The following GPD1L variants were observed in gnomAD, a reference collection of about 807,000 sequenced individuals.
GPD1L encodes glycerol-3-phosphate dehydrogenase 1-like protein.
A neutral mutation model predicts 32.9 loss-of-function variants in GPD1L; 17 were observed. The observed-to-expected ratio is 0.52, with a 90% CI of 0.35 to 0.78. GPD1L has a LOEUF of 0.78. Ranked by LOEUF, GPD1L falls within the 30% of genes least tolerant of loss-of-function variation. The pLI, the probability that GPD1L is intolerant of heterozygous loss-of-function variation, is 0.01. For missense variants in GPD1L, 361 were observed against 447.8 expected, an observed-to-expected ratio of 0.81 and a Z score of 1.75; for synonymous variants, 187 against 165.9, an observed-to-expected ratio of 1.13 and a Z score of -0.98.
At chr3:32,120,278 A>G (rs1278525981) in intron 1 of GPD1L, among the ~76,000 whole-genome samples, 7 of 152,076 alleles carry the variant, frequency 4.6e-5, no homozygotes, top group Admixed American at 4.6e-4. Flanking sequence ...AGATCGCACC[A>G]CTGTACTCCA....
Position 32,158,885 on chromosome 3 carries a change from G to C in GPD1L, c.628G>C (p.Ala210Pro). The C allele has an allele frequency of 1.2e-6, 2 of 1,614,030 alleles. No homozygotes were observed. Among genetic ancestry groups the C allele is most frequent in the South Asian group, 2.2e-5 (2 of 91,084 alleles). Residue 210 changes from alanine to proline, a missense_variant, in exon 6 of 8, where the codon GCT becomes CCT. By Grantham distance (27) the Ala-to-Pro change is conservative. Coordinates refer to ENST00000282541, the MANE Select transcript of GPD1L (RefSeq NM_015141.4). ...ELCGALKNIVAVGAGFCDGLR... is the reference protein window; with the variant it reads ...ELCGALKNIVPVGAGFCDGLR... Reference sequence around the variant, plus strand: ...GTCATCTCCTTTGCAGAACATCGTAGCTGTGGGAGCTGGGTTCTGCGACGG... The same window carrying C: ...GTCATCTCCTTTGCAGAACATCGTACCTGTGGGAGCTGGGTTCTGCGACGG...
chr3:32,132,561 T>C (rs1700600968), intron 2 of GPD1L, among the ~76,000 whole-genome samples: 1 of 152,240 alleles, frequency 6.6e-6, no homozygotes, highest in Non-Finnish European at 1.5e-5. Context: ...CTTTCCTCCC[T>C]GGGTTTAACT....
intron 1 of GPD1L, among the ~76,000 whole-genome samples, chr3:32,108,141 G>A (rs1324752159): frequency 6.6e-6 from 1 of 152,206 alleles, no homozygotes; most frequent in Non-Finnish European, 1.5e-5. Flanking sequence ...GCTTATGCCT[G>A]TAATCCCAGC....
In GPD1L at chr3:32,165,966, T is replaced by A. The variant is rs2125501600; in HGVS notation, c.*56T>A. The A allele has an allele frequency of 6.1e-6, 6 of 977,342 alleles. No individual in the cohort carries two copies. The South Asian group carries it at 7.7e-5, about 13-fold the overall frequency. The allele number at this position is 977,342 out of a possible 1,614,324, so 60.5% of individuals were successfully genotyped here. ...CTGCCTTTCTGATCAATCTTTTGGG[T>A]TCACGTGGAAACCAGGACTTGGCAA... On this transcript the variant is annotated 3_prime_UTR_variant, in exon 8 of 8. Coordinates refer to ENST00000282541, the MANE Select transcript of GPD1L (RefSeq NM_015141.4).
intron 1 of GPD1L, among the ~76,000 whole-genome samples, chr3:32,112,307 T>C (rs1700264315): frequency 1.3e-5 from 1 of 79,174 alleles, no homozygotes; most frequent in Admixed American, 1.0e-4. Flanking sequence ...CAAGACCCTG[T>C]CTCTAAATCT....
At chr3:32,109,115 C>G (rs999373211) in intron 1 of GPD1L, among the ~76,000 whole-genome samples, 6 of 152,212 alleles carry the variant, frequency 3.9e-5, no homozygotes, top group African/African-American at 1.4e-4. Context: ...TCCCAAAGTG[C>G]TGGGATTACA....
intron 1 of GPD1L, among the ~76,000 whole-genome samples, chr3:32,109,899 G>T (rs188902471): frequency 2.0e-5 from 3 of 152,324 alleles, no homozygotes; most frequent in East Asian, 3.9e-4. Context: ...ACTTTAAATC[G>T]TGTTTCTTTT....
chr3:32,108,550 C>A (rs979420672), intron 1 of GPD1L, among the ~76,000 whole-genome samples: 19 of 152,050 alleles, frequency 1.2e-4, no homozygotes, highest in African/African-American at 4.1e-4. Context: ...AAAACAAAAA[C>A]CAAAGAGTAC....
intron 4 of GPD1L, among the ~76,000 whole-genome samples, chr3:32,143,569 C>T (rs763511586): frequency 1.2e-4 from 18 of 152,128 alleles, no homozygotes; most frequent in Non-Finnish European, 2.6e-4. Flanking sequence ...CCGAGCCAGG[C>T]GTGGTGACTC....
At chr3:32,159,169 GGTGAA>G in intron 6 of GPD1L, 60 bp downstream of exon 6, 1 of 1,268,050 alleles carries the variant, frequency 7.9e-7, no homozygotes, top group Non-Finnish European at 1.1e-6. Context: ...CCTGGCTTGG[GGTGAA>G]CTGCAGCCCA....
intron 1 of GPD1L, among the ~76,000 whole-genome samples, chr3:32,124,688 G>T (rs531068908): frequency 6.6e-6 from 1 of 152,336 alleles, no homozygotes; most frequent in East Asian, 1.9e-4. Flanking sequence ...CACCTTGGGA[G>T]GCCAAGGTGG....
intron 5 of GPD1L, among the ~76,000 whole-genome samples, chr3:32,155,917 C>T (rs2125496185): frequency 6.6e-6 from 1 of 152,294 alleles, no homozygotes; most frequent in African/African-American, 2.4e-5. Context: ...GTACCGCTTC[C>T]GTCTCCTTGT....
chr3:32,133,587 T>G (rs990068608), intron 2 of GPD1L, among the ~76,000 whole-genome samples: 1 of 152,214 alleles, frequency 6.6e-6, no homozygotes, highest in Admixed American at 6.5e-5. Context: ...CTGTTCTTAT[T>G]TTCCTACTTA....
chr3:32,106,889 T>A lies in GPD1L; in HGVS notation c.47+131T>A. On this transcript the variant is annotated intron_variant, in intron 1 of 7. Transcript: ENST00000282541. The surrounding 1 kb of genome is among the most constrained non-coding windows in gnomAD (Gnocchi z 4.0). Reference sequence around the variant, plus strand: ...GCGCAGGGAGGCGGGGTGGGCGACCTCGTTGCTGGGCTGGGCACCGTGCGC... The same window carrying A: ...GCGCAGGGAGGCGGGGTGGGCGACCACGTTGCTGGGCTGGGCACCGTGCGC... The A allele has an allele frequency of 1.2e-6, 1 of 826,382 alleles. No homozygotes were observed. The highest frequency in any genetic ancestry group is 1.7e-6 in the Non-Finnish European group (1 of 596,686). The allele number at this position is 826,382 out of a possible 1,614,324, so 51.2% of individuals were successfully genotyped here. A position where few individuals can be genotyped will look rare whatever the true frequency, so the allele number is the denominator to read the frequency against.
chr3:32,157,685 TTTTC>T (rs1260789407), intron 5 of GPD1L, among the ~76,000 whole-genome samples: 1 of 152,192 alleles, frequency 6.6e-6, no homozygotes, highest in East Asian at 1.9e-4. Context: ...CTGGTAAACG[TTTTC>T]CATCAGGGCC....
intron 6 of GPD1L, 93 bp downstream of exon 6, chr3:32,159,202 G>C (rs1292052450): frequency 2.2e-6 from 2 of 912,766 alleles, no homozygotes; most frequent in South Asian, 2.8e-5. Context: ...TTTCATGCCA[G>C]CATCTATTTG....
intron 5 of GPD1L, among the ~76,000 whole-genome samples, chr3:32,155,680 C>T (rs984794727): frequency 3.9e-5 from 6 of 152,192 alleles, no homozygotes; most frequent in African/African-American, 7.2e-5. Flanking sequence ...CAGTCAGACC[C>T]GCTGCATGTC....
At chr3:32,137,709 C>T (rs966966096) in intron 2 of GPD1L, among the ~76,000 whole-genome samples, 30 of 152,198 alleles carry the variant, frequency 2.0e-4, no homozygotes, top group African/African-American at 7.0e-4. Context: ...GGAGTCCGCA[C>T]GGCATGCCTT....
intron 7 of GPD1L, 80 bp from the exon 8 acceptor site, chr3:32,165,734 G>A (rs1249624277): frequency 1.3e-6 from 1 of 777,954 alleles, no homozygotes; most frequent in Non-Finnish European, 2.3e-6. Context: ...CCTGCAATCT[G>A]TTAGGACAGA....
Sources: allele counts gnomAD v4.1 joint callset (sites outside exome capture counted in the v4.1 genomes callset), GRCh38; gene constraint gnomAD v4.1.1; non-coding constraint Gnocchi (gnomAD v3.1); transcripts MANE v1.5; gene names NCBI Gene and HGNC (gene_info 2026-07-23, HGNC 2026-07-21).